The following EPB41L1 variants were observed in gnomAD, a reference collection of about 807,000 sequenced individuals.
EPB41L1 encodes erythrocyte membrane protein band 4.1 like 1.
In EPB41L1, 29 loss-of-function variants were observed where a neutral mutation model predicts 97.8. That is an observed-to-expected ratio of 0.30 (90% confidence interval 0.22 to 0.40). The LOEUF (loss-of-function observed/expected upper bound fraction) is 0.40, where lower values mean the gene tolerates loss of function less well. Ranked by LOEUF, EPB41L1 falls within the 10% of genes least tolerant of loss-of-function variation. The pLI is 1.00. For synonymous variants in EPB41L1, 383 were observed against 459.2 expected (o/e 0.83, Z 2.12); for missense variants, 812 against 1,162.3 (o/e 0.70, Z 4.38).
chr20:36,207,616 G>A lies in EPB41L1; in HGVS notation c.1669-1872G>A. The A allele has an allele frequency of 1.6e-6, 2 of 1,290,054 alleles. No homozygotes were observed. Among genetic ancestry groups the A allele is most frequent in the Non-Finnish European group, 2.0e-6 (2 of 988,922 alleles). The allele number at this position is 1,290,054 out of a possible 1,614,324, so 79.9% of individuals were successfully genotyped here. A position where few individuals can be genotyped will look rare whatever the true frequency, so the allele number is the denominator to read the frequency against. On this transcript the variant is annotated intron_variant, in intron 14 of 21. Transcript: ENST00000338074. The surrounding 1 kb of genome is among the most constrained non-coding windows in gnomAD (Gnocchi z 4.9). Reference sequence around the variant, plus strand: ...CTTCGCCCAACTCCAGCCCCCAGGGGACTTTGCCAGCCCCAAAGCCACACA... The same window carrying A: ...CTTCGCCCAACTCCAGCCCCCAGGGAACTTTGCCAGCCCCAAAGCCACACA...
intron 1 of EPB41L1, among the ~76,000 whole-genome samples, chr20:36,167,241 C>T (rs1037961508): frequency 6.6e-6 from 1 of 152,024 alleles, no homozygotes; most frequent in African/African-American, 2.4e-5. Flanking sequence ...GAAGAACAGA[C>T]GGAAAGCCAA....
At chr20:36,181,857 G>T (rs2061483273) in intron 5 of EPB41L1, among the ~76,000 whole-genome samples, 2 of 152,148 alleles carry the variant, frequency 1.3e-5, no homozygotes, top group African/African-American at 4.8e-5. Context: ...CAGGTGGCCT[G>T]GGTTTGAACC....
At position 36,178,203 on chromosome 20, in the gene EPB41L1, C is replaced by T. The variant is rs537762399; in HGVS notation, c.447+147C>T. On this transcript the variant is annotated intron_variant, in intron 4 of 21. Transcript: ENST00000338074. ...AGGCTCAACCAGCCCTATCCACCTG[C>T]GGTTCCCTGTCTCAGCCATTTCTTG... 17 of 707,900 alleles carry T rather than the reference C, an allele frequency of 2.4e-5. No individual in the cohort carries two copies. In the East Asian group the frequency reaches 2.7e-4, roughly 11 times the overall value. The allele number at this position is 707,900 out of a possible 1,614,324, so 43.9% of individuals were successfully genotyped here.
chr20:36,108,778 T>C (rs186231615), intron 1 of EPB41L1, among the ~76,000 whole-genome samples: 1 of 152,336 alleles, frequency 6.6e-6, no homozygotes. Flanking sequence ...AGAGTTGAGT[T>C]GGGCACATTT....
intron 12 of EPB41L1, 107 bp downstream of exon 12, chr20:36,194,467 C>T: frequency 7.0e-7 from 1 of 1,419,954 alleles, no homozygotes; most frequent in Non-Finnish European, 9.7e-7. Flanking sequence ...GCCAAGCACC[C>T]TTACTATGGA....
intron 2 of EPB41L1, among the ~76,000 whole-genome samples, chr20:36,123,398 T>A (rs1260720221): frequency 6.6e-6 from 1 of 152,172 alleles, no homozygotes; most frequent in African/African-American, 2.4e-5. Flanking sequence ...ACACATGTCT[T>A]CCAGATCACA....
chr20:36,178,305 A>C (rs960582222), intron 4 of EPB41L1, among the ~76,000 whole-genome samples: 3 of 152,066 alleles, frequency 2.0e-5, no homozygotes, highest in Admixed American at 6.5e-5. Context: ...GGAGCTGAGG[A>C]GCTCCCTGCT....
At chr20:36,144,480 G>A (rs2059764127) in intron 2 of EPB41L1, among the ~76,000 whole-genome samples, 1 of 152,190 alleles carries the variant, frequency 6.6e-6, no homozygotes. Context: ...ACTCCCAGGG[G>A]AAAACCCATG....
intron 5 of EPB41L1, among the ~76,000 whole-genome samples, chr20:36,180,150 G>T (rs768308182): frequency 1.3e-5 from 2 of 152,176 alleles, no homozygotes; most frequent in African/African-American, 2.4e-5. Flanking sequence ...AGTCTTGATC[G>T]CTAGCAAGTA....
At chr20:36,194,792 C>T (rs1388487424) in intron 12 of EPB41L1, among the ~76,000 whole-genome samples, 1 of 152,124 alleles carries the variant, frequency 6.6e-6, no homozygotes, top group Admixed American at 6.5e-5. Context: ...CTCAGGTGCA[C>T]ACACACAGTC....
intron 21 of EPB41L1, among the ~76,000 whole-genome samples, chr20:36,223,592 AAAC>A (rs2063918396): frequency 6.6e-6 from 1 of 152,226 alleles, no homozygotes; most frequent in Non-Finnish European, 1.5e-5. Flanking sequence ...CAGAAAGTAT[AAAC>A]TGTATGATTC....
intron 1 of EPB41L1, among the ~76,000 whole-genome samples, chr20:36,104,063 G>A (rs1387308547): frequency 6.6e-6 from 1 of 152,086 alleles, no homozygotes; most frequent in Non-Finnish European, 1.5e-5. Flanking sequence ...CGGGGGCCAG[G>A]GTGAGAGACA....
Position 36,177,946 on chromosome 20 carries a change from C to A in EPB41L1, c.343-6C>A, listed in dbSNP as rs369397623. The A allele has an allele frequency of 1.2e-6, 2 of 1,613,400 alleles. No homozygotes were observed. Among genetic ancestry groups the A allele is most frequent in the Non-Finnish European group, 1.7e-6 (2 of 1,179,316 alleles). The stretch of plus-strand genomic sequence containing the variant: ...AGCCTCATAGCTGCTCTGCTTCCCT[C>A]CTTAGAAACATGGCCGGGGCCAGGT... On this transcript the variant is annotated splice_region_variant and splice_polypyrimidine_tract_variant and intron_variant, in intron 3 of 21. Coordinates refer to ENST00000338074, the MANE Select transcript of EPB41L1 (RefSeq NM_012156.2).
chr20:36,095,399 C>T (rs916233463), intron 1 of EPB41L1, among the ~76,000 whole-genome samples: 5 of 152,246 alleles, frequency 3.3e-5, no homozygotes, highest in South Asian at 2.1e-4. Flanking sequence ...TGAGCCGCTG[C>T]GCCCAGCCTG....
chr20:36,173,054 T>C (rs777958420), intron 1 of EPB41L1, among the ~76,000 whole-genome samples: 6 of 152,302 alleles, frequency 3.9e-5, no homozygotes, highest in Middle Eastern at 3.4e-3. Flanking sequence ...ATGACAAGAA[T>C]AGTTTATCCC....
intron 2 of EPB41L1, among the ~76,000 whole-genome samples, chr20:36,123,437 TTTTG>T (rs139752573): frequency 4.3e-4 from 65 of 152,232 alleles, no homozygotes; most frequent in African/African-American, 1.4e-3. Context: ...GTTCTGGTTT[TTTTG>T]TTTGTTTGTT....
At chr20:36,221,807 T>C (rs2063796663) in intron 19 of EPB41L1, 57 bp from the exon 20 acceptor site, 1 of 1,517,278 alleles carries the variant, frequency 6.6e-7, no homozygotes. Context: ...GGTCCCCTCT[T>C]GAGGCTGCTG....
chr20:36,179,128 G>A (rs1010990160), intron 5 of EPB41L1, among the ~76,000 whole-genome samples: 2 of 151,792 alleles, frequency 1.3e-5, no homozygotes, highest in South Asian at 2.1e-4. Context: ...CCATGAGTCC[G>A]TGTACTCCAC....
At chr20:36,196,017 TC>T (rs1454026982) in intron 13 of EPB41L1, among the ~76,000 whole-genome samples, 5 of 152,132 alleles carry the variant, frequency 3.3e-5, no homozygotes, top group Non-Finnish European at 7.4e-5. Context: ...ATTTGTTGCT[TC>T]CCCCAAATTA....
Sources: gnomAD v4.1 joint callset for allele counts (sites outside exome capture counted in the v4.1 genomes callset) on GRCh38, gnomAD v4.1.1 for gene constraint, Gnocchi (gnomAD v3.1) non-coding constraint, MANE v1.5 for transcripts, NCBI Gene and HGNC (gene_info 2026-07-23, HGNC 2026-07-21) for gene names.